ABCG1: variants seen among roughly 807,000 people sequenced by gnomAD.
The protein encoded by ABCG1 is ATP-binding cassette sub-family G member 1.
ABCG1 carries 29 observed loss-of-function variants against 69.2 expected under a neutral mutation model. The observed-to-expected ratio is 0.42, with a 90% confidence interval of 0.31 to 0.57. The LOEUF (loss-of-function observed/expected upper bound fraction) is 0.57, where lower values mean the gene tolerates loss of function less well. Among genes scored for constraint, ABCG1 ranks in the 20% least tolerant of loss-of-function variants. The pLI is 0.15. For missense variants in ABCG1, 718 were observed against 898.1 expected, an observed-to-expected ratio of 0.80 and a Z score of 2.56; for synonymous variants, 370 against 374.8, an observed-to-expected ratio of 0.99 and a Z score of 0.15.
intron 2 of ABCG1, among the ~76,000 whole-genome samples, chr21:42,234,023 G>GT (rs34030542): frequency 0.033 from 4,987 of 151,804 alleles, 284 homozygotes; most frequent in African/African-American, 0.11. Context: ...TGGGAGAAGT[G>GT]TTTTTTTTTG....
intron 2 of ABCG1, among the ~76,000 whole-genome samples, chr21:42,242,965 G>A (rs1460487657): frequency 6.6e-6 from 1 of 152,088 alleles, no homozygotes; most frequent in African/African-American, 2.4e-5. Flanking sequence ...GCTGGTCCAG[G>A]GATCCCACTT....
At position 42,273,573 on chromosome 21, in the gene ABCG1, T is replaced by G; in HGVS notation, c.537+138T>G. On this transcript the variant is annotated intron_variant, in intron 4 of 14. Transcript: ENST00000398449. The surrounding 1 kb of genome is among the most constrained non-coding windows in gnomAD (Gnocchi z 5.3). ...CGCGGCCTGCACAGGGCCAGCAACC[T>G]CCCTCTAGCGGAGTTCTAACACCAG... 1.0e-6 allele frequency: 1 copy of G among 980,166 alleles called. No homozygotes were observed. The highest frequency in any genetic ancestry group is 1.5e-6 in the Non-Finnish European group (1 of 684,030). 60.7% of individuals were successfully genotyped at this position (980,166 alleles called of 1,614,324 possible).
At chr21:42,241,344 G>A (rs184755101) in intron 2 of ABCG1, among the ~76,000 whole-genome samples, 1 of 152,230 alleles carries the variant, frequency 6.6e-6, no homozygotes, top group African/African-American at 2.4e-5. Context: ...AATCCACAGG[G>A]CAGTAATCCC....
chr21:42,251,127 G>A (rs1189445237), intron 2 of ABCG1, among the ~76,000 whole-genome samples: 1 of 152,204 alleles, frequency 6.6e-6, no homozygotes, highest in African/African-American at 2.4e-5. Flanking sequence ...CTACCCAGGA[G>A]GGAAGTGGGA....
chr21:42,202,613 C>T (rs1309053641), intron 2 of ABCG1, among the ~76,000 whole-genome samples: 1 of 145,550 alleles, frequency 6.9e-6, no homozygotes, highest in Non-Finnish European at 1.5e-5. Flanking sequence ...GTCTCTCTCC[C>T]TTTTTTTTTT....
At position 42,289,544 on chromosome 21, in the gene ABCG1, G is replaced by A. The variant is rs111357984; in HGVS notation, c.1225-506G>A. ...TTATAGGGAAGGAGGTGGTGAATAC[G>A]CGGGAACCATAATTCTACCAGAGAA... On this transcript the variant is annotated intron_variant, in intron 10 of 14. Transcript: ENST00000398449. Among the ~76,000 whole-genome samples the A allele has an allele frequency of 4.7e-3, 718 of 152,244 alleles. 8 individuals carry two copies. Among genetic ancestry groups the A allele is most frequent in the African/African-American group, 0.014 (602 of 41,552 alleles).
chr21:42,271,229 T>C, intron 3 of ABCG1, 42 bp downstream of exon 3: 2 of 1,350,826 alleles, frequency 1.5e-6, no homozygotes, highest in East Asian at 2.7e-5. Flanking sequence ...CTCCCGGGTG[T>C]CAGGCCAGCA....
At chr21:42,201,059 C>CT (rs372339024) in intron 1 of ABCG1, among the ~76,000 whole-genome samples, 2,764 of 149,310 alleles carry the variant, frequency 0.019, 83 homozygotes, top group African/African-American at 0.063. Flanking sequence ...GCATATTGTG[C>CT]TTTTTTTTTT....
intron 2 of ABCG1, among the ~76,000 whole-genome samples, chr21:42,205,125 G>A (rs1015391557): frequency 1.3e-5 from 2 of 152,022 alleles, no homozygotes; most frequent in East Asian, 1.9e-4. Flanking sequence ...CATCTTGCGA[G>A]GAAGTGGTTC....
At chr21:42,259,055 T>A (rs1273241608) in intron 2 of ABCG1, among the ~76,000 whole-genome samples, 3 of 152,266 alleles carry the variant, frequency 2.0e-5, no homozygotes, top group Non-Finnish European at 2.9e-5. Context: ...CTCTCAGACC[T>A]GCCTCAGTTG....
chr21:42,293,553 CCACACTACACACTA>C (rs1441867200), intron 13 of ABCG1, among the ~76,000 whole-genome samples: 1 of 139,678 alleles, frequency 7.2e-6, no homozygotes, highest in South Asian at 2.4e-4. Context: ...TACACACATA[CCACACTACACACTA>C]CACACCACAC....
intron 2 of ABCG1, among the ~76,000 whole-genome samples, chr21:42,226,164 T>G (rs552502142): frequency 9.8e-5 from 15 of 152,346 alleles, no homozygotes; most frequent in Non-Finnish European, 1.9e-4. Flanking sequence ...TATGGAGAAT[T>G]TCACAAAGAT....
At chr21:42,223,476 G>A (rs1412592455) in intron 1 of ABCG1, among the ~76,000 whole-genome samples, 2 of 152,032 alleles carry the variant, frequency 1.3e-5, no homozygotes, top group East Asian at 1.9e-4. Flanking sequence ...CACACATGGG[G>A]AAAAGGCACC....
At chr21:42,293,384 A>C (rs111174472) in intron 13 of ABCG1, among the ~76,000 whole-genome samples, 54 of 130,428 alleles carry the variant, frequency 4.1e-4, no homozygotes, top group Middle Eastern at 4.6e-3. Flanking sequence ...TACACACTAC[A>C]CACCACACAT....
chr21:42,219,943 C>T lies in ABCG1; in HGVS notation c.42+639C>T, dbSNP rs1388191749. The T allele has an allele frequency of 6.4e-7, 1 of 1,551,268 alleles. No individual in the cohort carries two copies. Among genetic ancestry groups the T allele is most frequent in the Admixed American group, 2.0e-5 (1 of 51,012 alleles). On this transcript the variant is annotated intron_variant, in intron 1 of 14. Transcript: ENST00000398449. The surrounding 1 kb of genome is among the most constrained non-coding windows in gnomAD (Gnocchi z 5.3). Reference sequence around the variant, plus strand: ...CCTGCCGGCCGCCTTTCTGCGCGCGCCGGAGAGAGAGACGCGGTGGGGACA... The same window carrying T: ...CCTGCCGGCCGCCTTTCTGCGCGCGTCGGAGAGAGAGACGCGGTGGGGACA...
intron 2 of ABCG1, among the ~76,000 whole-genome samples, chr21:42,228,923 C>A (rs1007774723): frequency 1.3e-5 from 2 of 152,258 alleles, no homozygotes; most frequent in Non-Finnish European, 2.9e-5. Context: ...AATAACAGTG[C>A]GCATTAAATG....
At chr21:42,209,464 A>G (rs915393951) in intron 2 of ABCG1, among the ~76,000 whole-genome samples, 1 of 152,252 alleles carries the variant, frequency 6.6e-6, no homozygotes, top group Non-Finnish European at 1.5e-5. Context: ...GAGCAAAGCA[A>G]TATTAGTGAG....
intron 2 of ABCG1, among the ~76,000 whole-genome samples, chr21:42,266,731 A>C (rs182006070): frequency 6.6e-6 from 1 of 152,224 alleles, no homozygotes; most frequent in African/African-American, 2.4e-5. Flanking sequence ...TCACAGGCTC[A>C]TAGAGCATTT....
At chr21:42,267,865 TC>T (rs2068541955) in intron 2 of ABCG1, among the ~76,000 whole-genome samples, 1 of 149,042 alleles carries the variant, frequency 6.7e-6, no homozygotes, top group Admixed American at 6.7e-5. Context: ...CTGATCTGGG[TC>T]TGGTCTGGGT....
Sources: gnomAD v4.1 joint callset for allele counts (sites outside exome capture counted in the v4.1 genomes callset) on GRCh38, gnomAD v4.1.1 for gene constraint, Gnocchi (gnomAD v3.1) non-coding constraint, MANE v1.5 for transcripts, NCBI Gene and HGNC (gene_info 2026-07-23, HGNC 2026-07-21) for gene names.